SUMF1: variants seen among roughly 807,000 people sequenced by gnomAD.
The protein encoded by SUMF1 is formylglycine-generating enzyme.
Under a neutral mutation model 47.6 loss-of-function variants are expected in SUMF1, and 48 were observed. That is an observed-to-expected ratio of 1.01 (90% CI 0.80 to 1.28). The LOEUF (loss-of-function observed/expected upper bound fraction) is 1.28. Among genes scored for constraint, SUMF1 ranks in the 50% most tolerant of loss-of-function variants. SUMF1 has a pLI of 0.00. For missense variants in SUMF1, 571 were observed against 485.4 expected (o/e 1.18, Z -1.66); for synonymous variants, 230 against 192.1 (o/e 1.20, Z -1.63).
At chr3:4,125,907 G>C (rs1489142832) in intron 8 of SUMF1, among the ~76,000 whole-genome samples, 1 of 151,890 alleles carries the variant, frequency 6.6e-6, no homozygotes, top group African/African-American at 2.4e-5. Context: ...AAACTTCTGG[G>C]CTCAAGTGAT....
rs141281007 is a variant in SUMF1 at position 4,170,164 on chromosome 3, A to G, written c.1015-101419T>C. ...ATGGCTGTTTTTGTGCTACAACAGT[A>G]AAGTCAAGTCATCCTTACAGAGACC... On this transcript the variant is annotated intron_variant and NMD_transcript_variant, in intron 8 of 12. Transcript: ENST00000448413. Among the ~76,000 whole-genome samples, 26 of 152,322 alleles carry G rather than the reference A, an allele frequency of 1.7e-4. No homozygotes were observed. The East Asian group carries it at 4.0e-3, about 24-fold the overall frequency.
chr3:4,344,259 CG>C (rs1699329038), intron 8 of SUMF1, among the ~76,000 whole-genome samples: 2 of 152,152 alleles, frequency 1.3e-5, no homozygotes, highest in South Asian at 4.1e-4. Flanking sequence ...GAGAGCCACA[CG>C]GGGAAGGGGA....
intron 8 of SUMF1, among the ~76,000 whole-genome samples, chr3:4,218,453 T>C (rs313680): frequency 0.59 from 90,333 of 151,900 alleles, 27,064 homozygotes; most frequent in South Asian, 0.69. Flanking sequence ...TTTCATTGTG[T>C]TTTTTGTGTG....
intron 8 of SUMF1, among the ~76,000 whole-genome samples, chr3:4,265,674 T>C (rs947556741): frequency 6.6e-6 from 1 of 152,240 alleles, no homozygotes; most frequent in Non-Finnish European, 1.5e-5. Flanking sequence ...TCCCATTTTC[T>C]GGGTTGCCTG....
At chr3:4,303,045 A>G (rs1388388457) in intron 8 of SUMF1, among the ~76,000 whole-genome samples, 1 of 152,114 alleles carries the variant, frequency 6.6e-6, no homozygotes, top group African/African-American at 2.4e-5. Flanking sequence ...CCTCCACTCC[A>G]CAAACGTGCA....
intron 8 of SUMF1, among the ~76,000 whole-genome samples, chr3:4,251,781 A>G (rs1439995327): frequency 6.6e-6 from 1 of 152,236 alleles, no homozygotes. Flanking sequence ...TTCATCAGTC[A>G]GGGACCATCA....
intron 8 of SUMF1, among the ~76,000 whole-genome samples, chr3:4,207,055 T>G (rs1057118567): frequency 1.3e-5 from 2 of 152,150 alleles, no homozygotes; most frequent in Non-Finnish European, 2.9e-5. Context: ...TTTTATTATA[T>G]AGTTCTTGTA....
chr3:4,221,452 T>A (rs1245857783), intron 8 of SUMF1, among the ~76,000 whole-genome samples: 1 of 144,354 alleles, frequency 6.9e-6, no homozygotes, highest in Non-Finnish European at 1.5e-5. Context: ...TGTGTGTGTG[T>A]TTTGTGTTTT....
chr3:4,127,768 G>A (rs975197854), intron 8 of SUMF1, among the ~76,000 whole-genome samples: 1 of 152,024 alleles, frequency 6.6e-6, no homozygotes, highest in Non-Finnish European at 1.5e-5. Context: ...ATTTCTAGAC[G>A]AACAGAATAT....
chr3:4,352,427 A>G (rs1409110501), intron 8 of SUMF1, among the ~76,000 whole-genome samples: 1 of 152,162 alleles, frequency 6.6e-6, no homozygotes, highest in Non-Finnish European at 1.5e-5. Flanking sequence ...TTACCGCACA[A>G]TGAACACAGT....
chr3:4,085,215 AGG>A (rs1396873968), intron 8 of SUMF1, among the ~76,000 whole-genome samples: 2 of 152,126 alleles, frequency 1.3e-5, no homozygotes, highest in Non-Finnish European at 2.9e-5. Flanking sequence ...TACTTCAAGT[AGG>A]GATAAAATAT....
intron 9 of SUMF1, among the ~76,000 whole-genome samples, chr3:4,036,429 T>G (rs775999097): frequency 2.6e-5 from 4 of 152,074 alleles, no homozygotes; most frequent in Non-Finnish European, 4.4e-5. Flanking sequence ...AATTAAGTAC[T>G]GCTGAAAATT....
chr3:4,303,403 T>G, intron 8 of SUMF1: 2 of 1,558,780 alleles, frequency 1.3e-6, no homozygotes, highest in Non-Finnish European at 1.7e-6. Flanking sequence ...CGACACGGCC[T>G]TGTGGGATGG....
chr3:4,362,003 C>A lies in SUMF1; in HGVS notation c.*141G>T. ...AGGTCAGCAATTTGGTCTCACAAGG[C>A]GGTTCCTTTGGCCATTGGGCAGGTA... On this transcript the variant is annotated 3_prime_UTR_variant, in exon 9 of 9. Coordinates refer to ENST00000272902, the MANE Select transcript of SUMF1 (RefSeq NM_182760.4). 1.3e-6 allele frequency: 1 copy of A among 740,952 alleles called. No individual in the cohort carries two copies. Among genetic ancestry groups the A allele is most frequent in the African/African-American group, 1.7e-5 (1 of 57,756 alleles). The allele number at this position is 740,952 out of a possible 1,614,324, so 45.9% of individuals were successfully genotyped here.
chr3:4,113,550 G>T (rs1052685439), intron 8 of SUMF1, among the ~76,000 whole-genome samples: 1 of 151,762 alleles, frequency 6.6e-6, no homozygotes, highest in East Asian at 1.9e-4. Flanking sequence ...AAAAAAGAAA[G>T]AAATATATAT....
chr3:4,035,334 C>A (rs538817121), intron 9 of SUMF1, among the ~76,000 whole-genome samples: 9 of 152,254 alleles, frequency 5.9e-5, no homozygotes, highest in South Asian at 2.1e-4. Flanking sequence ...TTTGCCACTT[C>A]CATCTACTGG....
At chr3:4,267,642 C>T (rs1274269175) in intron 8 of SUMF1, among the ~76,000 whole-genome samples, 17 of 151,908 alleles carry the variant, frequency 1.1e-4, no homozygotes, top group Non-Finnish European at 8.8e-5. Context: ...AAAATGCTCA[C>T]CATAACTGGC....
chr3:4,052,282 A>T (rs1366172246), intron 9 of SUMF1, among the ~76,000 whole-genome samples: 1 of 152,158 alleles, frequency 6.6e-6, no homozygotes, highest in Non-Finnish European at 1.5e-5. Context: ...CACTGCCATG[A>T]TGTAATCACC....
intron 8 of SUMF1, among the ~76,000 whole-genome samples, chr3:4,251,025 C>T (rs1696790442): frequency 6.6e-6 from 1 of 152,054 alleles, no homozygotes; most frequent in Non-Finnish European, 1.5e-5. Context: ...TTTCATAAGG[C>T]TATAGCTGCC....
Sources: gnomAD v4.1 joint callset for allele counts (sites outside exome capture counted in the v4.1 genomes callset) on GRCh38, gnomAD v4.1.1 for gene constraint, MANE v1.5 for transcripts, NCBI Gene and HGNC (gene_info 2026-07-23, HGNC 2026-07-21) for gene names.